The following BICD1 variants were observed in gnomAD, a reference collection of about 807,000 sequenced individuals.
BICD1 encodes the protein protein bicaudal D homolog 1.
A neutral mutation model predicts 92.5 loss-of-function variants in BICD1; 35 were observed. The ratio of observed to expected loss-of-function variants is 0.38; its 90% CI spans 0.29 to 0.50. The LOEUF is 0.50. Ranked by LOEUF, BICD1 falls within the 20% of genes least tolerant of loss-of-function variation. BICD1 has a pLI of 0.93. For missense variants in BICD1, 950 were observed against 1,189.8 expected (o/e 0.80, Z 2.97); for synonymous variants, 429 against 465.1 (o/e 0.92, Z 1.00).
intron 3 of BICD1, among the ~76,000 whole-genome samples, chr12:32,304,643 C>A (rs1358969602): frequency 6.6e-6 from 1 of 152,132 alleles, no homozygotes; most frequent in Non-Finnish European, 1.5e-5. Flanking sequence ...AGGAGACATC[C>A]CTGTCACCCG....
intron 1 of BICD1, among the ~76,000 whole-genome samples, chr12:32,212,677 C>G (rs1020909570): frequency 6.6e-6 from 1 of 152,222 alleles, no homozygotes; most frequent in Non-Finnish European, 1.5e-5. Context: ...ACCACCTCAG[C>G]CTCCCAAAGT....
intron 4 of BICD1, among the ~76,000 whole-genome samples, chr12:32,319,226 T>G (rs1011994644): frequency 6.6e-6 from 1 of 152,242 alleles, no homozygotes; most frequent in Non-Finnish European, 1.5e-5. Flanking sequence ...CTCTGGGTGT[T>G]TCATAGATGC....
chr12:32,318,891 A>AT (rs1592665749), intron 4 of BICD1, among the ~76,000 whole-genome samples: 1 of 152,310 alleles, frequency 6.6e-6, no homozygotes. Flanking sequence ...TTATTTTTTG[A>AT]TAGTGCTATA....
intron 1 of BICD1, chr12:32,108,718 A>G (rs1318026688): frequency 1.8e-5 from 12 of 678,228 alleles, no homozygotes; most frequent in African/African-American, 1.6e-4. Context: ...AAGCATTTAT[A>G]CTTTTAGATA....
At position 32,282,202 on chromosome 12, in the gene BICD1, C is replaced by CTTTTTTTTT. The variant is rs56217529; in HGVS notation, c.427-11764_427-11756dup. 3.1e-4 allele frequency among the ~76,000 whole-genome samples: 29 copies of CTTTTTTTTT among 94,248 alleles called. 3 individuals carry two copies. Among genetic ancestry groups the CTTTTTTTTT allele is most frequent in the South Asian group, 7.5e-4 (2 of 2,676 alleles). The allele number at this position is 94,248 out of a possible 152,430, so 61.8% of individuals were successfully genotyped here. A position where few individuals can be genotyped will look rare whatever the true frequency, so the allele number is the denominator to read the frequency against. ...GCAAGACCCAGCTTCAGGTCTTCTT[C>CTTTTTTTTT]TTTTTTTTTTTTTTTTTTTTTTTTT... On this transcript the variant is annotated intron_variant, in intron 2 of 9. Coordinates refer to ENST00000652176, the MANE Select transcript of BICD1 (RefSeq NM_001714.4).
At chr12:32,236,022 C>T (rs1946061560) in intron 2 of BICD1, among the ~76,000 whole-genome samples, 1 of 151,290 alleles carries the variant, frequency 6.6e-6, no homozygotes, top group African/African-American at 2.4e-5. Context: ...ATTGTTATAT[C>T]TGTTATGGTG....
intron 8 of BICD1, among the ~76,000 whole-genome samples, chr12:32,346,611 T>TAC (rs1938622546): frequency 2.5e-4 from 1 of 3,952 alleles, no homozygotes. Context: ...TATATATATA[T>TAC]ACGTGTATAT....
At chr12:32,196,499 G>T (rs1417161055) in intron 1 of BICD1, among the ~76,000 whole-genome samples, 1 of 152,172 alleles carries the variant, frequency 6.6e-6, no homozygotes, top group Non-Finnish European at 1.5e-5. Context: ...GAACCTGGAG[G>T]ACATGATGGT....
At chr12:32,284,460 T>C (rs34410555) in intron 2 of BICD1, among the ~76,000 whole-genome samples, 1 of 152,216 alleles carries the variant, frequency 6.6e-6, no homozygotes, top group Non-Finnish European at 1.5e-5. Flanking sequence ...TGTTTTCTTG[T>C]ATTATCACAT....
At chr12:32,355,789 C>G (rs149444228) in intron 8 of BICD1, among the ~76,000 whole-genome samples, 6,508 of 150,398 alleles carry the variant, frequency 0.043, 451 homozygotes, top group African/African-American at 0.15. Context: ...GCCTGGGTGA[C>G]GGAGCAAGAC....
intron 8 of BICD1, among the ~76,000 whole-genome samples, chr12:32,366,883 T>A: frequency 6.6e-6 from 1 of 151,982 alleles, no homozygotes; most frequent in Non-Finnish European, 1.5e-5. Context: ...GCTCTTTGAT[T>A]TTTTTTTAGA....
At chr12:32,179,939 G>A (rs1405501031) in intron 1 of BICD1, among the ~76,000 whole-genome samples, 2 of 142,072 alleles carry the variant, frequency 1.4e-5, no homozygotes, top group Admixed American at 1.5e-4. Flanking sequence ...GCAGTGAGCC[G>A]ACATTGCGCT....
At chr12:32,176,346 G>C (rs1489739573) in intron 1 of BICD1, among the ~76,000 whole-genome samples, 2 of 152,022 alleles carry the variant, frequency 1.3e-5, no homozygotes, top group Admixed American at 6.6e-5. Flanking sequence ...AATGTATGAG[G>C]GTTCCTATTC....
chr12:32,252,149 T>TTTATTA (rs1565619642), intron 2 of BICD1, among the ~76,000 whole-genome samples: 1 of 34,982 alleles, frequency 2.9e-5, no homozygotes, highest in African/African-American at 1.4e-4. Flanking sequence ...ATATTATATA[T>TTTATTA]TACATATTAT....
intron 4 of BICD1, among the ~76,000 whole-genome samples, chr12:32,308,369 A>G (rs1948287315): frequency 6.6e-6 from 1 of 152,216 alleles, no homozygotes; most frequent in Non-Finnish European, 1.5e-5. Flanking sequence ...ACTAGTTGAC[A>G]GTCATTCTTA....
chr12:32,176,794 A>AT (rs1944101975), intron 1 of BICD1, among the ~76,000 whole-genome samples: 1 of 152,136 alleles, frequency 6.6e-6, no homozygotes, highest in Non-Finnish European at 1.5e-5. Context: ...AATGTCCCAC[A>AT]TTTTTGTTTA....
chr12:32,372,135 C>G (rs1468923193), intron 9 of BICD1, among the ~76,000 whole-genome samples: 1 of 152,172 alleles, frequency 6.6e-6, no homozygotes, highest in Non-Finnish European at 1.5e-5. Context: ...AGAAGATGTG[C>G]TAAGAATGTT....
chr12:32,270,015 G>T (rs772245917), intron 2 of BICD1, among the ~76,000 whole-genome samples: 41 of 151,658 alleles, frequency 2.7e-4, no homozygotes, highest in Admixed American at 7.9e-4. Context: ...CCAGCTACTC[G>T]GGAGGCCGAG....
Position 32,376,376 on chromosome 12 carries a change from C to T in BICD1, c.2841-1164C>T, listed in dbSNP as rs546816707. On this transcript the variant is annotated intron_variant, in intron 9 of 9. Coordinates refer to ENST00000652176, the MANE Select transcript of BICD1 (RefSeq NM_001714.4). ...TGCTGGGATTACAGGTGTGAGCCACCGCGCCCGGCCGCTAGTCAAATTTTA... is the reference window on the plus strand; with the variant it reads ...TGCTGGGATTACAGGTGTGAGCCACTGCGCCCGGCCGCTAGTCAAATTTTA... 3.8e-4 allele frequency among the ~76,000 whole-genome samples: 58 copies of T among 152,014 alleles called. No individual in the cohort carries two copies. The South Asian group carries it at 0.011, about 29-fold the overall frequency.
Sources: allele counts gnomAD v4.1 joint callset (sites outside exome capture counted in the v4.1 genomes callset), GRCh38; gene constraint gnomAD v4.1.1; transcripts MANE v1.5; gene names NCBI Gene and HGNC (gene_info 2026-07-23, HGNC 2026-07-21).